Variants in DPY30 observed in about 807,000 individuals in gnomAD.
DPY30 encodes protein dpy-30 homolog.
DPY30 carries 6 observed loss-of-function variants against 16.2 expected under a neutral mutation model. The ratio of observed to expected loss-of-function variants is 0.37; its 90% CI spans 0.20 to 0.73. The LOEUF is 0.73. DPY30 is among the 30% of genes least tolerant of loss of function. The pLI is 0.51. For missense variants in DPY30, 73 were observed against 113.1 expected (o/e 0.65, Z 1.61); for synonymous variants, 39 against 38.8 (o/e 1.00, Z -0.02).
At chr2:32,012,836 G>C (rs1418250980) in intron 5 of DPY30, among the ~76,000 whole-genome samples, 1 of 152,134 alleles carries the variant, frequency 6.6e-6, no homozygotes, top group East Asian at 1.9e-4. Context: ...TGATAAAATG[G>C]TAAAGTTTTG....
At chr2:32,025,901 G>T (rs139565803) in intron 4 of DPY30, among the ~76,000 whole-genome samples, 3 of 151,672 alleles carry the variant, frequency 2.0e-5, no homozygotes, top group Admixed American at 6.6e-5. Context: ...TGAGCCCAAG[G>T]GTTCAAAATC....
At chr2:32,025,096 T>C (rs1297155968) in intron 4 of DPY30, among the ~76,000 whole-genome samples, 1 of 152,204 alleles carries the variant, frequency 6.6e-6, no homozygotes, top group African/African-American at 2.4e-5. Context: ...AAGAGCTGTC[T>C]ACAAATAGAC....
intron 4 of DPY30, among the ~76,000 whole-genome samples, chr2:32,025,592 C>G (rs1315713929): frequency 6.6e-6 from 1 of 151,436 alleles, no homozygotes. Flanking sequence ...GAAATCCTGT[C>G]TCCACTAAAA....
chr2:32,024,164 T>G lies in DPY30; in HGVS notation c.*20A>C, dbSNP rs1175113452. 1.9e-6 allele frequency: 3 copies of G among 1,607,396 alleles called. No homozygotes were observed. The highest frequency in any genetic ancestry group is 2.5e-6 in the Non-Finnish European group (3 of 1,176,732). Reference sequence around the variant, plus strand: ...GTAAATCTACAGTAGCAACTAAATTTTTCTGTTCTTCCCATTAAGTCAGTT... The same window carrying G: ...GTAAATCTACAGTAGCAACTAAATTGTTCTGTTCTTCCCATTAAGTCAGTT... On this transcript the variant is annotated 3_prime_UTR_variant, in exon 5 of 5. Transcript: ENST00000342166.
chr2:32,031,878 G>A (rs1185191533), intron 3 of DPY30, among the ~76,000 whole-genome samples: 1 of 151,778 alleles, frequency 6.6e-6, no homozygotes, highest in Non-Finnish European at 1.5e-5. Context: ...GGGTGACAGA[G>A]CGAGACTCTG....
chr2:32,033,989 G>T (rs904573547), intron 3 of DPY30, among the ~76,000 whole-genome samples: 2 of 151,926 alleles, frequency 1.3e-5, no homozygotes, highest in African/African-American at 4.8e-5. Context: ...AGTGTAGGGA[G>T]AGAGAACTTG....
chr2:32,026,186 T>C (rs1432924972), intron 4 of DPY30, among the ~76,000 whole-genome samples: 1 of 152,168 alleles, frequency 6.6e-6, no homozygotes, highest in African/African-American at 2.4e-5. Context: ...TCCCAGGACT[T>C]TGGGAGTCCA....
intron 3 of DPY30, among the ~76,000 whole-genome samples, chr2:32,030,064 CAAAAA>C (rs398042393): frequency 9.7e-6 from 1 of 102,700 alleles, no homozygotes; most frequent in Non-Finnish European, 2.1e-5. Flanking sequence ...AGTGTGTTCC[CAAAAA>C]AAAAAAAAAA....
At chr2:32,032,428 T>C (rs1399706985) in intron 3 of DPY30, among the ~76,000 whole-genome samples, 1 of 152,204 alleles carries the variant, frequency 6.6e-6, no homozygotes. Flanking sequence ...TGAATGAATT[T>C]TCATCCCCTA....
At chr2:32,022,629 T>C (rs1675210750), downstream of DPY30, among the ~76,000 whole-genome samples, 1 of 152,044 alleles carries the variant, frequency 6.6e-6, no homozygotes, top group African/African-American at 2.4e-5. Flanking sequence ...GCAAGTCTTC[T>C]GCCTGAGCCT....
chr2:32,030,373 G>A (rs1675487721), intron 3 of DPY30, among the ~76,000 whole-genome samples: 1 of 152,116 alleles, frequency 6.6e-6, no homozygotes, highest in African/African-American at 2.4e-5. Flanking sequence ...GCTCACGCCT[G>A]TAATCCCAGC....
chr2:32,032,900 G>T (rs1289056958), intron 3 of DPY30, among the ~76,000 whole-genome samples: 1 of 152,128 alleles, frequency 6.6e-6, no homozygotes, highest in Non-Finnish European at 1.5e-5. Context: ...GGAGGCTAAG[G>T]CAGGAGAATT....
At chr2:32,038,647 CTTTTTTTTTTT>C (rs10679637) in intron 3 of DPY30, among the ~76,000 whole-genome samples, 1 of 111,252 alleles carries the variant, frequency 9.0e-6, no homozygotes, top group Non-Finnish European at 1.7e-5. Flanking sequence ...TTATTTTTTA[CTTTTTTTTTTT>C]TTTTTTTTTG....
chr2:32,036,599 A>G (rs1279428588), intron 3 of DPY30, among the ~76,000 whole-genome samples: 1 of 150,884 alleles, frequency 6.6e-6, no homozygotes, highest in Non-Finnish European at 1.5e-5. Flanking sequence ...TGAACCCGGA[A>G]GGCGGAGCTT....
At chr2:32,039,614 G>A (rs910351380) in intron 1 of DPY30, 119 bp downstream of exon 1, 24 of 857,072 alleles carry the variant, frequency 2.8e-5, no homozygotes, top group Non-Finnish European at 4.1e-5. Flanking sequence ...AGCACCACGA[G>A]CAGTAGAGCA....
At chr2:32,032,514 T>C (rs1411583901) in intron 3 of DPY30, among the ~76,000 whole-genome samples, 1 of 152,174 alleles carries the variant, frequency 6.6e-6, no homozygotes, top group Admixed American at 6.5e-5. Context: ...AATCTCACAG[T>C]GTATTTCCTA....
intron 3 of DPY30, among the ~76,000 whole-genome samples, chr2:32,038,117 G>C (rs1283453092): frequency 6.9e-6 from 1 of 144,028 alleles, no homozygotes; most frequent in Admixed American, 7.0e-5. Flanking sequence ...GAATTAACTT[G>C]TATTGCTCAT....
chr2:32,035,494 G>T (rs962943050), intron 3 of DPY30, among the ~76,000 whole-genome samples: 9 of 151,538 alleles, frequency 5.9e-5, no homozygotes, highest in Admixed American at 5.9e-4. Flanking sequence ...GGAGGCTGAG[G>T]CAGGGGAATC....
At chr2:32,039,244 C>T (rs748457576) in intron 3 of DPY30, 35 bp downstream of exon 3, 4 of 1,613,952 alleles carry the variant, frequency 2.5e-6, no homozygotes, top group Non-Finnish European at 3.4e-6. Flanking sequence ...TTGCAAGAGA[C>T]AACACAGATG....
Sources: allele counts gnomAD v4.1 joint callset (sites outside exome capture counted in the v4.1 genomes callset), GRCh38; gene constraint gnomAD v4.1.1; transcripts MANE v1.5; gene names NCBI Gene and HGNC (gene_info 2026-07-23, HGNC 2026-07-21).